EFCAB11: variants seen among roughly 807,000 people sequenced by gnomAD.
The protein encoded by EFCAB11 is EF-hand calcium-binding domain-containing protein 11.
A neutral mutation model predicts 23.0 loss-of-function variants in EFCAB11; 14 were observed. The observed-to-expected ratio is 0.61, with a 90% CI of 0.40 to 0.95. The LOEUF is 0.95. Ranked by LOEUF, EFCAB11 falls within the 40% of genes least tolerant of loss-of-function variation. The pLI is 0.00. For missense variants in EFCAB11, 198 were observed against 195.8 expected (o/e 1.01, Z -0.07); for synonymous variants, 65 against 66.6 (o/e 0.98, Z 0.11).
intron 5 of EFCAB11, chr14:89,830,257 AGACATTTAATAT>A (rs1195924959): frequency 1.3e-5 from 2 of 152,228 alleles, no homozygotes; most frequent in African/African-American, 4.8e-5. Flanking sequence ...GTGTACAAAT[AGACATTTAATAT>A]GGGAATTCCA....
intron 5 of EFCAB11, among the ~76,000 whole-genome samples, chr14:89,845,971 T>C (rs1186974866): frequency 1.3e-5 from 2 of 152,184 alleles, no homozygotes; most frequent in Non-Finnish European, 2.9e-5. Flanking sequence ...AAGTTCTAGA[T>C]GCAAATTGCC....
intron 5 of EFCAB11, among the ~76,000 whole-genome samples, chr14:89,823,304 A>C (rs1886587004): frequency 6.6e-6 from 1 of 152,226 alleles, no homozygotes; most frequent in Non-Finnish European, 1.5e-5. Context: ...ACCTACAGCC[A>C]CAAGGAACTG....
intron 5 of EFCAB11, among the ~76,000 whole-genome samples, chr14:89,817,796 C>G (rs11622691): frequency 0.084 from 12,771 of 152,066 alleles, 635 homozygotes; most frequent in East Asian, 0.18. Context: ...GAATTCGAGA[C>G]CAGCCTGGCC....
At chr14:89,868,549 G>T (rs1225588100) in intron 5 of EFCAB11, among the ~76,000 whole-genome samples, 2 of 152,182 alleles carry the variant, frequency 1.3e-5, no homozygotes, top group Non-Finnish European at 2.9e-5. Flanking sequence ...ATTACAACTG[G>T]GGGTCCAAGG....
intron 5 of EFCAB11, among the ~76,000 whole-genome samples, chr14:89,850,334 C>T (rs1306982822): frequency 6.6e-6 from 1 of 152,166 alleles, no homozygotes; most frequent in African/African-American, 2.4e-5. Flanking sequence ...TCTTCCTTAC[C>T]TTGGCATTCC....
chr14:89,840,038 G>C (rs8017789), intron 5 of EFCAB11, among the ~76,000 whole-genome samples: 105,880 of 151,968 alleles, frequency 0.7, 38,918 homozygotes, highest in Non-Finnish European at 0.83. Context: ...GCAACAAAAT[G>C]AAGTCTGACC....
At chr14:89,850,501 G>A (rs563682178) in intron 5 of EFCAB11, among the ~76,000 whole-genome samples, 1 of 152,298 alleles carries the variant, frequency 6.6e-6, no homozygotes, top group East Asian at 1.9e-4. Context: ...GGCCTTCCAG[G>A]TGATTCTTAT....
rs183950657 is a variant in EFCAB11, at chr14:89,838,901, C to T, written c.411-41577G>A. ...TCCAGGGTATAGCTAAGGAAGCAGG[C>T]GGCTAAAGTAACACAGATAAATTCA... On this transcript the variant is annotated intron_variant, in intron 5 of 5. Transcript: ENST00000316738. Among the ~76,000 whole-genome samples, 24 of 152,180 alleles carry T rather than the reference C, an allele frequency of 1.6e-4. No homozygotes were observed. In the East Asian group the frequency reaches 3.5e-3, roughly 22 times the overall value.
chr14:89,908,438 G>A (rs1421401004), intron 5 of EFCAB11, among the ~76,000 whole-genome samples: 1 of 152,132 alleles, frequency 6.6e-6, no homozygotes, highest in Non-Finnish European at 1.5e-5. Flanking sequence ...ATTACACCAC[G>A]AGTGGAAAAT....
chr14:89,831,931 CG>C (rs1359184220), intron 5 of EFCAB11, among the ~76,000 whole-genome samples: 2 of 152,034 alleles, frequency 1.3e-5, no homozygotes, highest in African/African-American at 2.4e-5. Context: ...AGATATGGAG[CG>C]GGTGGTGGTG....
intron 5 of EFCAB11, among the ~76,000 whole-genome samples, chr14:89,901,107 T>C (rs537030238): frequency 6.6e-6 from 1 of 152,222 alleles, no homozygotes; most frequent in Non-Finnish European, 1.5e-5. Flanking sequence ...TTGTAAACTT[T>C]CACATATTTT....
At chr14:89,882,083 CCTT>C (rs1232511626) in intron 5 of EFCAB11, among the ~76,000 whole-genome samples, 1 of 152,180 alleles carries the variant, frequency 6.6e-6, no homozygotes, top group Admixed American at 6.5e-5. Context: ...CTTTCAAACA[CCTT>C]TTTTCTACTT....
intron 5 of EFCAB11, among the ~76,000 whole-genome samples, chr14:89,834,341 A>C (rs1886990580): frequency 2.4e-5 from 3 of 124,634 alleles, no homozygotes; most frequent in Admixed American, 1.1e-4. Context: ...GCACCACTGC[A>C]CTCCAGCCTG....
intron 5 of EFCAB11, among the ~76,000 whole-genome samples, chr14:89,840,755 G>GT (rs1887233728): frequency 6.6e-6 from 1 of 152,042 alleles, no homozygotes; most frequent in Non-Finnish European, 1.5e-5. Context: ...TGGCAGCGGC[G>GT]TAACTGAAGA....
rs894085001 is a variant in EFCAB11 at position 89,928,848 on chromosome 14, C to G, written c.410+2693G>C. Among the ~76,000 whole-genome samples the G allele has an allele frequency of 7.5e-4, 110 of 146,540 alleles. No homozygotes were observed. In the Middle Eastern group the frequency reaches 0.018, roughly 24 times the overall value. On this transcript the variant is annotated intron_variant, in intron 5 of 5. Coordinates refer to ENST00000316738, the MANE Select transcript of EFCAB11 (RefSeq NM_145231.4). ...TTAAATAATTATATATTACATATTA[C>G]ATATGCTTAAACATCTATAATTATA... is the stretch of plus-strand genomic sequence containing the variant.
intron 5 of EFCAB11, among the ~76,000 whole-genome samples, chr14:89,842,189 C>T (rs1271470047): frequency 6.6e-6 from 1 of 152,216 alleles, no homozygotes; most frequent in East Asian, 1.9e-4. Context: ...ACACTTCAGC[C>T]ATATCCTAGT....
intron 5 of EFCAB11, among the ~76,000 whole-genome samples, chr14:89,814,068 G>A (rs1455605655): frequency 5.1e-5 from 7 of 137,556 alleles, no homozygotes; most frequent in African/African-American, 1.6e-4. Flanking sequence ...CTCCCTGGGG[G>A]GAGAAAAAAA....
chr14:89,800,164 C>A (rs1189829747), intron 5 of EFCAB11, among the ~76,000 whole-genome samples: 1 of 150,656 alleles, frequency 6.6e-6, no homozygotes, highest in Admixed American at 6.7e-5. Context: ...CCAGCCTGGG[C>A]GAAAAGAGCA....
intron 5 of EFCAB11, among the ~76,000 whole-genome samples, chr14:89,821,636 G>A (rs1366641544): frequency 6.6e-6 from 1 of 152,184 alleles, no homozygotes; most frequent in African/African-American, 2.4e-5. Context: ...TGTGGTCCCT[G>A]AAAAGAAAAA....
Sources: gnomAD v4.1 joint callset for allele counts (sites outside exome capture counted in the v4.1 genomes callset) on GRCh38, gnomAD v4.1.1 for gene constraint, MANE v1.5 for transcripts, NCBI Gene and HGNC (gene_info 2026-07-23, HGNC 2026-07-21) for gene names.